Variants in DNAH2 observed in about 807,000 individuals in gnomAD.
The protein encoded by DNAH2 is axonemal beta dynein heavy chain 2.
DNAH2 carries 323 observed loss-of-function variants against 523.5 expected under a neutral mutation model. That is an observed-to-expected ratio of 0.62 (90% CI 0.56 to 0.68). The LOEUF is 0.68. Among genes scored for constraint, DNAH2 ranks in the 30% least tolerant of loss-of-function variants. DNAH2 has a pLI of 0.00. For missense variants in DNAH2, 4,907 were observed against 5,701.5 expected (o/e 0.86, Z 4.49); for synonymous variants, 2,093 against 2,177.4 (o/e 0.96, Z 1.08).
At chr17:7,799,288 TC>T in intron 56 of DNAH2, 46 bp downstream of exon 56, 1 of 1,605,342 alleles carries the variant, frequency 6.2e-7, no homozygotes, top group Non-Finnish European at 8.5e-7. Context: ...GTGTGCTCCC[TC>T]ACCCTGCTGT....
Position 7,810,462 on chromosome 17 carries a change from C to T in DNAH2, c.9729+2876C>T, listed in dbSNP as rs142839805. On this transcript the variant is annotated intron_variant, in intron 63 of 85. Coordinates refer to ENST00000572933, the MANE Select transcript of DNAH2 (RefSeq NM_020877.5). ...GGAGCACGGTGGTGCGATCCCAGCT[C>T]GCTGTAACTTCTGCCTCCCAGATTC... Among the ~76,000 whole-genome samples the T allele has an allele frequency of 9.7e-4, 148 of 152,284 alleles. 4 individuals carry two copies. Among genetic ancestry groups the T allele is most frequent in the African/African-American group, 3.4e-4 (14 of 41,560 alleles).
chr17:7,757,124 C>A lies in DNAH2; in HGVS notation c.1938C>A (p.Tyr646Ter). 6.2e-7 allele frequency: 1 copy of A among 1,614,178 alleles called. No individual in the cohort carries two copies. The highest frequency in any genetic ancestry group is 8.5e-7 in the Non-Finnish European group (1 of 1,180,020). The change falls in exon 13 of 86, where the codon TAC becomes TAA. Residue 646 changes from tyrosine to a stop codon, truncating the protein, a stop_gained. Coordinates refer to ENST00000572933, the MANE Select transcript of DNAH2 (RefSeq NM_020877.5). LOFTEE classifies it high-confidence loss of function. ...SLLILFAEID[Y>*]WERLLFETPH... ...TGATTCTCTTTGCGGAAATTGACTACTGGGAGCGGCTGCTGTTTGAGACGC... is the reference window on the plus strand; with the variant it reads ...TGATTCTCTTTGCGGAAATTGACTAATGGGAGCGGCTGCTGTTTGAGACGC...
At position 7,786,763 on chromosome 17, in the gene DNAH2, G is replaced by T; in HGVS notation, c.6466+76G>T. 1 of 1,598,610 alleles carries T rather than the reference G, an allele frequency of 6.3e-7. No individual in the cohort carries two copies. Among genetic ancestry groups the T allele is most frequent in the South Asian group, 1.1e-5 (1 of 90,034 alleles). On this transcript the variant is annotated intron_variant, in intron 41 of 85. Coordinates refer to ENST00000572933, the MANE Select transcript of DNAH2 (RefSeq NM_020877.5). This position sits in a 1 kb window ranked among gnomAD's most constrained non-coding sequence, Gnocchi z 7.5. ...GGGGCAGGGAGTCTGGGGATAGGAA[G>T]TTCCAAGTTGGGAGAGAAATGCCTG...
chr17:7,822,386 A>G (rs1353872426), intron 73 of DNAH2, among the ~76,000 whole-genome samples: 1 of 150,786 alleles, frequency 6.6e-6, no homozygotes, highest in African/African-American at 2.4e-5. Flanking sequence ...CCCTCCCCAA[A>G]CCCCCTGGCA....
At chr17:7,732,029 CAAA>C (rs35844931) in intron 4 of DNAH2, among the ~76,000 whole-genome samples, 100 of 118,198 alleles carry the variant, frequency 8.5e-4, no homozygotes, top group Middle Eastern at 4.2e-3. Flanking sequence ...AACTTCGTCT[CAAA>C]AAAAAAAAAA....
At chr17:7,803,255 G>A (rs778056773) in intron 58 of DNAH2, among the ~76,000 whole-genome samples, 18 of 152,122 alleles carry the variant, frequency 1.2e-4, no homozygotes, top group South Asian at 2.1e-4. Flanking sequence ...CTGCCTGGCC[G>A]GTTATAAATC....
Position 7,831,480 on chromosome 17 carries a change from C to T in DNAH2, c.12550C>T (p.Pro4184Ser). The change falls in exon 81 of 86, where the codon CCC becomes TCC. Residue 4184 changes from proline to serine, a missense_variant. Pro to Ser is a moderately conservative substitution (Grantham distance 74). Transcript: ENST00000572933. This position sits in a 1 kb window ranked among gnomAD's most constrained non-coding sequence, Gnocchi z 4.2. Reference sequence around the variant, plus strand: ...AAAACTGCTAGCTCTCGACCCCTCCCCCCTCAATGTGGTCCTTCTGCAGGA... The same window carrying T: ...AAAACTGCTAGCTCTCGACCCCTCCTCCCTCAATGTGGTCCTTCTGCAGGA... Reference protein sequence around the residue: ...TQKLLALDPSPLNVVLLQEIQ... With the variant: ...TQKLLALDPSSLNVVLLQEIQ... 6.2e-7 allele frequency: 1 copy of T among 1,614,156 alleles called. No individual in the cohort carries two copies. Among genetic ancestry groups the T allele is most frequent in the Non-Finnish European group, 8.5e-7 (1 of 1,180,026 alleles).
chr17:7,775,191 G>T, intron 29 of DNAH2, 50 bp from the exon 30 acceptor site: 2 of 1,578,094 alleles, frequency 1.3e-6, no homozygotes, highest in Non-Finnish European at 1.7e-6. Context: ...CTTCTAGGCG[G>T]ACACCAAGGG....
intron 44 of DNAH2, among the ~76,000 whole-genome samples, chr17:7,788,584 C>T (rs943394451): frequency 5.3e-5 from 8 of 152,258 alleles, no homozygotes; most frequent in Middle Eastern, 3.4e-3. Context: ...TAAGTTTTGG[C>T]GTAGATGAGG....
chr17:7,818,914 C>A lies in DNAH2; in HGVS notation c.10671-5C>A, dbSNP rs200425167. ...TGCTCCATGTGCCTCTGGGCCTCCC[C>A]CTAGGCTGCTGAATGAGGCCACCGG... On this transcript the variant is annotated splice_polypyrimidine_tract_variant and splice_region_variant and intron_variant, in intron 70 of 85. Coordinates refer to ENST00000572933, the MANE Select transcript of DNAH2 (RefSeq NM_020877.5). 3.1e-6 allele frequency: 5 copies of A among 1,611,418 alleles called. No individual in the cohort carries two copies. In the East Asian group the frequency reaches 1.1e-4, roughly 36 times the overall value.
intron 47 of DNAH2, 46 bp from the exon 48 acceptor site, chr17:7,792,935 A>G (rs1019318081): frequency 6.2e-7 from 1 of 1,601,834 alleles, no homozygotes; most frequent in Non-Finnish European, 8.5e-7. Flanking sequence ...CTAAGCCCGT[A>G]TTTCTCTCAG....
intron 72 of DNAH2, among the ~76,000 whole-genome samples, chr17:7,821,000 T>C (rs552494641): frequency 6.6e-6 from 1 of 152,198 alleles, no homozygotes; most frequent in South Asian, 2.1e-4. Flanking sequence ...GATCGTACCA[T>C]GGTACTCCAG....
At chr17:7,725,213 C>T (rs2074759141) in intron 3 of DNAH2, among the ~76,000 whole-genome samples, 1 of 151,320 alleles carries the variant, frequency 6.6e-6, no homozygotes, top group Admixed American at 6.6e-5. Context: ...TCTCGGCCTC[C>T]TGAGTAGCTG....
At chr17:7,800,674 G>A (rs1046454594) in intron 56 of DNAH2, among the ~76,000 whole-genome samples, 3 of 150,070 alleles carry the variant, frequency 2.0e-5, no homozygotes, top group Non-Finnish European at 4.4e-5. Context: ...AGACCATCCT[G>A]GCTAACACGG....
chr17:7,739,370 C>T (rs566984398), intron 8 of DNAH2, among the ~76,000 whole-genome samples: 73 of 152,310 alleles, frequency 4.8e-4, no homozygotes, highest in African/African-American at 1.6e-3. Flanking sequence ...CATGCCACTG[C>T]ACTCCAGCCT....
At chr17:7,819,176 A>G (rs1161237522) in intron 71 of DNAH2, 33 bp from the exon 72 acceptor site, 3 of 1,610,698 alleles carry the variant, frequency 1.9e-6, no homozygotes, top group Admixed American at 3.3e-5. Context: ...CACGTCCCTC[A>G]GTGGCCCTGA....
intron 44 of DNAH2, among the ~76,000 whole-genome samples, chr17:7,789,776 C>T (rs2076846205): frequency 6.6e-6 from 1 of 152,052 alleles, no homozygotes; most frequent in South Asian, 2.1e-4. Flanking sequence ...TGGGGTTTCA[C>T]CTTGTTGGTC....
At chr17:7,743,652 T>A in intron 12 of DNAH2, 1 of 352,334 alleles carries the variant, frequency 2.8e-6, no homozygotes, top group South Asian at 4.3e-5. Flanking sequence ...GGCGACAGAG[T>A]GACCCTGCCT....
In DNAH2 at chr17:7,770,910, C is replaced by T; in HGVS notation, c.4339C>T (p.Gln1447Ter). Residue 1447 changes from glutamine to a stop codon, truncating the protein, a stop_gained, in exon 27 of 86, where the codon CAG becomes TAG. Transcript: ENST00000572933. LOFTEE classifies it high-confidence loss of function. ...GGTTATTGAGATGATTCTCACAGTGCAGCGTCAGTGGATGTACTTAGAGGT... is the reference window on the plus strand; with the variant it reads ...GGTTATTGAGATGATTCTCACAGTGTAGCGTCAGTGGATGTACTTAGAGGT... The part of the protein sequence containing the change: ...LEVIEMILTV[Q>*]RQWMYLENIF... 1 of 1,613,966 alleles carries T rather than the reference C, an allele frequency of 6.2e-7. No homozygotes were observed.
Sources: gnomAD v4.1 joint callset for allele counts (sites outside exome capture counted in the v4.1 genomes callset) on GRCh38, gnomAD v4.1.1 for gene constraint, Gnocchi (gnomAD v3.1) non-coding constraint, MANE v1.5 for transcripts, NCBI Gene and HGNC (gene_info 2026-07-23, HGNC 2026-07-21) for gene names.